Variants in FAM76B observed in about 807,000 individuals in gnomAD.
The protein encoded by FAM76B is protein FAM76B.
Under a neutral mutation model 51.8 loss-of-function variants are expected in FAM76B, and 16 were observed. The ratio of observed to expected loss-of-function variants is 0.31; its 90% CI spans 0.21 to 0.47. The LOEUF (loss-of-function observed/expected upper bound fraction) is 0.47, where lower values mean the gene tolerates loss of function less well. Among genes scored for constraint, FAM76B ranks in the 20% least tolerant of loss-of-function variants. The pLI is 1.00. For missense variants in FAM76B, 342 were observed against 392.6 expected (o/e 0.87, Z 1.09); for synonymous variants, 166 against 129.5 (o/e 1.28, Z -1.91).
At chr11:95,789,160 G>A in intron 1 of FAM76B, 2 of 1,155,200 alleles carry the variant, frequency 1.7e-6, no homozygotes, top group African/African-American at 1.6e-5. Context: ...ACGGGGCCCG[G>A]CACCCTCCTG....
At chr11:95,784,463 T>C (rs1860441772) in intron 4 of FAM76B, among the ~76,000 whole-genome samples, 2 of 152,052 alleles carry the variant, frequency 1.3e-5, no homozygotes, top group South Asian at 4.2e-4. Context: ...AAGGCTGTGA[T>C]GTGTCTTAAA....
intron 5 of FAM76B, 33 bp from the exon 6 acceptor site, chr11:95,779,959 C>CATTTA (rs1565289641): frequency 1.2e-5 from 19 of 1,562,988 alleles, no homozygotes; most frequent in Non-Finnish European, 1.6e-5. Flanking sequence ...CTAATAATGA[C>CATTTA]ATTTATTTAT....
At position 95,789,430 on chromosome 11, in the gene FAM76B, G is replaced by A. The variant is rs762964185; in HGVS notation, c.49C>T (p.Pro17Ser). ...YACTKCTQRYPFEELSQGQQL... is the reference protein window; with the variant it reads ...YACTKCTQRYSFEELSQGQQL... ...TGGCCCTGGGAGAGCTCCTCGAAAG[G>A]ATAACGCTGGGTACACTTGGTGCAG... Residue 17 changes from proline (P) to serine (S), a missense_variant, in exon 1 of 10, where the codon CCT becomes TCT. By Grantham distance (74) the Pro-to-Ser change is moderately conservative (BLOSUM62 -1). This residue lies in a region of FAM76B where 96 missense variants were observed against 94.7 expected (regional missense o/e 1.01). Transcript: ENST00000358780. 8 of 1,609,728 alleles carry A rather than the reference G, an allele frequency of 5.0e-6. No homozygotes were observed. Among genetic ancestry groups the A allele is most frequent in the Non-Finnish European group, 6.8e-6 (8 of 1,178,210 alleles).
At chr11:95,787,589 G>A (rs768695782) in intron 3 of FAM76B, 35 bp downstream of exon 3, 1 of 1,590,038 alleles carries the variant, frequency 6.3e-7, no homozygotes, top group South Asian at 1.1e-5. Context: ...AATATTAACT[G>A]GTAACAATGA....
chr11:95,786,427 T>A (rs1323751386), intron 3 of FAM76B, 153 bp from the exon 4 acceptor site: 7 of 686,614 alleles, frequency 1.0e-5, no homozygotes, highest in Non-Finnish European at 1.6e-5. Context: ...ATGCAATAAC[T>A]TTTATACCAT....
rs1328873081 is a variant in FAM76B, at chr11:95,770,095, A to T, written c.*1466T>A. The T allele has an allele frequency of 6.6e-6, 1 of 151,570 alleles. No individual in the cohort carries two copies. The highest frequency in any genetic ancestry group is 1.9e-4 in the East Asian group (1 of 5,184). 9.4% of individuals were successfully genotyped at this position (151,570 alleles called of 1,614,324 possible). ...ATGAAGCAAATTTATCTTTGCCCAT[A>T]AATTATTAAGAGAAGCAACTCACTC... On this transcript the variant is annotated 3_prime_UTR_variant, in exon 10 of 10. Transcript: ENST00000358780.
chr11:95,773,765 T>C lies in FAM76B; in HGVS notation c.931-2115A>G, dbSNP rs573545463. 2.6e-5 allele frequency among the ~76,000 whole-genome samples: 4 copies of C among 151,484 alleles called. No homozygotes were observed. In the South Asian group the frequency reaches 8.3e-4, roughly 31 times the overall value. On this transcript the variant is annotated intron_variant, in intron 9 of 9. Coordinates refer to ENST00000358780, the MANE Select transcript of FAM76B (RefSeq NM_144664.5). ...TTAGGTCCCTTTTCCTTTTAACCAC[T>C]TACCTAATTAAGTGAATAAGAGTTT...
chr11:95,776,234 G>A (rs1163935863), intron 8 of FAM76B, among the ~76,000 whole-genome samples: 1 of 151,360 alleles, frequency 6.6e-6, no homozygotes. Flanking sequence ...GTTAATACCT[G>A]ACCATCAGTA....
At chr11:95,786,932 G>A (rs921462753) in intron 3 of FAM76B, 1 of 152,138 alleles carries the variant, frequency 6.6e-6, no homozygotes, top group African/African-American at 2.4e-5. Context: ...TACTAGGATT[G>A]GGTCATGACT....
chr11:95,785,327 C>T (rs781661919), intron 4 of FAM76B, among the ~76,000 whole-genome samples: 7 of 152,172 alleles, frequency 4.6e-5, no homozygotes, highest in African/African-American at 7.2e-5. Context: ...TGGGTACTAC[C>T]GTATTCACTG....
chr11:95,781,690 G>A (rs1166591210), intron 5 of FAM76B, among the ~76,000 whole-genome samples: 4 of 152,042 alleles, frequency 2.6e-5, no homozygotes, highest in African/African-American at 9.7e-5. Flanking sequence ...TTTTCTTAAA[G>A]CAAGAAGCAA....
intron 4 of FAM76B, among the ~76,000 whole-genome samples, chr11:95,784,593 A>AC (rs1860457601): frequency 3.0e-5 from 4 of 133,894 alleles, no homozygotes; most frequent in African/African-American, 1.2e-4. Context: ...CACACACACA[A>AC]TTTTTTTTTT....
At chr11:95,788,966 T>A (rs1394087980) in intron 1 of FAM76B, 1 of 1,348,322 alleles carries the variant, frequency 7.4e-7, no homozygotes, top group Non-Finnish European at 9.7e-7. Context: ...GGAAGAAGGA[T>A]GCCATCAGCT....
Position 95,783,192 on chromosome 11 carries a change from T to G in FAM76B, c.436A>C (p.Arg146=). The change falls in exon 5 of 10, where the codon AGG becomes CGG. Residue 146 remains arginine, a synonymous_variant. Coordinates refer to ENST00000358780, the MANE Select transcript of FAM76B (RefSeq NM_144664.5). ...GAATGTGAAGATCCCAGGCTCTTCC[T>G]TTGTTCTTTCGTCTTCTGTAAAACT... The part of the protein sequence containing the change: ...KRVLQKTKEQ[R]KSLGSSHSNS... The G allele has an allele frequency of 1.9e-6, 3 of 1,613,952 alleles. No homozygotes were observed. Among genetic ancestry groups the G allele is most frequent in the Non-Finnish European group, 2.5e-6 (3 of 1,179,924 alleles).
At chr11:95,780,522 A>G (rs1860212416) in intron 5 of FAM76B, among the ~76,000 whole-genome samples, 1 of 151,938 alleles carries the variant, frequency 6.6e-6, no homozygotes, top group Admixed American at 6.6e-5. Context: ...ACTTTTACTC[A>G]TAATTAATAC....
chr11:95,773,105 A>T (rs1859842190), intron 9 of FAM76B, among the ~76,000 whole-genome samples: 1 of 144,800 alleles, frequency 6.9e-6, no homozygotes, highest in Non-Finnish European at 1.6e-5. Context: ...AAATAGTTAA[A>T]ATGTGAATCT....
At chr11:95,788,822 G>C (rs76795995) in intron 1 of FAM76B, 1 of 1,452,950 alleles carries the variant, frequency 6.9e-7, no homozygotes, top group Non-Finnish European at 9.1e-7. Flanking sequence ...CCTATTTCAA[G>C]GATTGGTTAA....
intron 8 of FAM76B, 75 bp from the exon 9 acceptor site, chr11:95,776,098 AAT>A: frequency 6.6e-6 from 5 of 757,162 alleles, no homozygotes; most frequent in Non-Finnish European, 9.7e-6. Flanking sequence ...TAACTTTCAC[AAT>A]AAACTCACAT....
intron 8 of FAM76B, 118 bp from the exon 9 acceptor site, chr11:95,776,141 A>C (rs1859996992): frequency 2.0e-6 from 1 of 499,808 alleles, no homozygotes. Context: ...TGTTAACTGC[A>C]GTTTCCTGAA....
Sources: gnomAD v4.1 joint callset for allele counts (sites outside exome capture counted in the v4.1 genomes callset) on GRCh38, gnomAD v4.1.1 for gene constraint, gnomAD v4.1.1 regional missense constraint, MANE v1.5 for transcripts, NCBI Gene and HGNC (gene_info 2026-07-23, HGNC 2026-07-21) for gene names.